Variants in VGLL4 observed in about 807,000 individuals in gnomAD.
The protein encoded by VGLL4 is transcription cofactor vestigial-like protein 4.
In VGLL4, 7 loss-of-function variants were observed where a neutral mutation model predicts 21.0. The observed-to-expected ratio is 0.33, with a 90% CI of 0.19 to 0.63. The LOEUF is 0.63. Ranked by LOEUF, VGLL4 falls within the 20% of genes least tolerant of loss-of-function variation. VGLL4 has a pLI of 0.78. For missense variants in VGLL4, 394 were observed against 425.7 expected, an observed-to-expected ratio of 0.93 and a Z score of 0.66; for synonymous variants, 222 against 173.2, an observed-to-expected ratio of 1.28 and a Z score of -2.21.
At chr3:11,618,251 T>C (rs2075202435) in intron 1 of VGLL4, among the ~76,000 whole-genome samples, 1 of 152,216 alleles carries the variant, frequency 6.6e-6, no homozygotes. Flanking sequence ...ATATGGTATA[T>C]TCTGGAGTGC....
chr3:11,638,045 G>A (rs1400940426), intron 1 of VGLL4, among the ~76,000 whole-genome samples: 1 of 152,180 alleles, frequency 6.6e-6, no homozygotes, highest in Non-Finnish European at 1.5e-5. Flanking sequence ...ATATATTTGT[G>A]TACATGCGTA....
intron 2 of VGLL4, among the ~76,000 whole-genome samples, chr3:11,585,773 C>T (rs1182947399): frequency 1.3e-5 from 2 of 152,240 alleles, no homozygotes; most frequent in Non-Finnish European, 2.9e-5. Flanking sequence ...CATTCCAAAT[C>T]TTCTGCCTCC....
intron 1 of VGLL4, among the ~76,000 whole-genome samples, chr3:11,630,289 G>T (rs1287362779): frequency 1.3e-5 from 2 of 152,074 alleles, no homozygotes; most frequent in Non-Finnish European, 2.9e-5. Flanking sequence ...CCTTAATATT[G>T]TCCATAAATC....
At chr3:11,671,168 C>T (rs2076209697) in intron 2 of VGLL4, 2 of 1,371,570 alleles carry the variant, frequency 1.5e-6, no homozygotes, top group Admixed American at 2.2e-5. Context: ...ATAAACATAC[C>T]ACACTTTTCT....
chr3:11,601,284 T>A (rs1381487899), intron 2 of VGLL4, among the ~76,000 whole-genome samples: 1 of 152,178 alleles, frequency 6.6e-6, no homozygotes, highest in Non-Finnish European at 1.5e-5. Context: ...GAGTGGCACC[T>A]TGTCATGAGC....
chr3:11,596,954 C>T (rs1022144138), intron 2 of VGLL4, among the ~76,000 whole-genome samples: 7 of 152,114 alleles, frequency 4.6e-5, no homozygotes, highest in African/African-American at 7.2e-5. Context: ...CCTGGAAAAA[C>T]GGCTAATTCC....
upstream of VGLL4, among the ~76,000 whole-genome samples, chr3:11,648,392 T>A (rs1252162164): frequency 2.0e-5 from 3 of 152,186 alleles, no homozygotes; most frequent in Non-Finnish European, 4.4e-5. Flanking sequence ...TAAAGATTAT[T>A]TAGATGCTTT....
At chr3:11,649,344 A>T (rs2075836296) in intron 2 of VGLL4, among the ~76,000 whole-genome samples, 1 of 152,238 alleles carries the variant, frequency 6.6e-6, no homozygotes, top group East Asian at 1.9e-4. Flanking sequence ...ATATATAGGA[A>T]AAAGTATACA....
intron 2 of VGLL4, among the ~76,000 whole-genome samples, chr3:11,675,120 T>C (rs1448812028): frequency 6.6e-6 from 1 of 152,152 alleles, no homozygotes; most frequent in Non-Finnish European, 1.5e-5. Flanking sequence ...GGTGGGTGGA[T>C]CACCTGAGGT....
chr3:11,698,397 TACTC>T (rs2076633990), intron 2 of VGLL4, among the ~76,000 whole-genome samples: 1 of 135,792 alleles, frequency 7.4e-6, no homozygotes, highest in Non-Finnish European at 1.7e-5. Context: ...TAGTCCCAGT[TACTC>T]AGGAGGCTAA....
intron 3 of VGLL4, among the ~76,000 whole-genome samples, chr3:11,564,158 C>A (rs1490884726): frequency 2.0e-5 from 3 of 152,204 alleles, no homozygotes; most frequent in Non-Finnish European, 2.9e-5. Context: ...CTGCCTTCTC[C>A]CATATATTTC....
chr3:11,647,989 TAA>T (rs11408793), upstream of VGLL4, among the ~76,000 whole-genome samples: 8 of 147,462 alleles, frequency 5.4e-5, no homozygotes, highest in African/African-American at 2.0e-4. Flanking sequence ...AGCTCATCCA[TAA>T]AAAAAAAAAA....
intron 2 of VGLL4, among the ~76,000 whole-genome samples, chr3:11,576,724 C>T (rs543997408): frequency 6.6e-6 from 1 of 152,348 alleles, no homozygotes; most frequent in South Asian, 2.1e-4. Flanking sequence ...CACTCCACCC[C>T]ACACCCTCAA....
At chr3:11,648,514 G>A (rs868390075), upstream of VGLL4, among the ~76,000 whole-genome samples, 1 of 152,108 alleles carries the variant, frequency 6.6e-6, no homozygotes, top group South Asian at 2.1e-4. Context: ...TTTAATCAAA[G>A]ACAGAAGCCA....
intron 2 of VGLL4, among the ~76,000 whole-genome samples, chr3:11,698,971 T>G (rs1157128188): frequency 2.1e-4 from 32 of 152,222 alleles, no homozygotes; most frequent in Non-Finnish European, 5.9e-5. Context: ...TTAGGTCACC[T>G]TGATGAGCTG....
Position 11,556,471 on chromosome 3 carries a change from C to G in VGLL4, c.*2085G>C, listed in dbSNP as rs999216531. 3.9e-5 allele frequency: 6 copies of G among 152,712 alleles called. No individual in the cohort carries two copies. The highest frequency in any genetic ancestry group is 5.9e-5 in the Non-Finnish European group (4 of 68,044). The allele number at this position is 152,712 out of a possible 1,614,324, so 9.5% of individuals were successfully genotyped here. On this transcript the variant is annotated 3_prime_UTR_variant, in exon 5 of 5. Transcript: ENST00000430365. Reference sequence around the variant, plus strand: ...CAGGAGTGTCCTCCACCGAGCCGGTCAGCTGTGGGTGGTTTTCCTGTTACG... The same window carrying G: ...CAGGAGTGTCCTCCACCGAGCCGGTGAGCTGTGGGTGGTTTTCCTGTTACG...
At chr3:11,668,861 G>T (rs1465842455) in intron 2 of VGLL4, among the ~76,000 whole-genome samples, 1 of 152,068 alleles carries the variant, frequency 6.6e-6, no homozygotes, top group Admixed American at 6.6e-5. Context: ...CCCATTACCT[G>T]TGTTCTACTC....
At chr3:11,693,746 C>G (rs375025090) in intron 2 of VGLL4, among the ~76,000 whole-genome samples, 1 of 152,130 alleles carries the variant, frequency 6.6e-6, no homozygotes, top group Non-Finnish European at 1.5e-5. Flanking sequence ...GGACTGTCCC[C>G]GAGCACACGC....
At chr3:11,671,014 A>G (rs1446033500) in intron 2 of VGLL4, among the ~76,000 whole-genome samples, 6 of 152,182 alleles carry the variant, frequency 3.9e-5, no homozygotes, top group Non-Finnish European at 8.8e-5. Context: ...TCCAGCCTGG[A>G]CGACAGAGAT....
Sources: allele counts gnomAD v4.1 joint callset (sites outside exome capture counted in the v4.1 genomes callset), GRCh38; gene constraint gnomAD v4.1.1; transcripts MANE v1.5; gene names NCBI Gene and HGNC (gene_info 2026-07-23, HGNC 2026-07-21).